Variants in CTNNA2 observed in about 807,000 individuals in gnomAD.
CTNNA2 encodes the protein catenin alpha-2.
Under a neutral mutation model 101.0 loss-of-function variants are expected in CTNNA2, and 42 were observed. That is an observed-to-expected ratio of 0.42 (90% confidence interval 0.32 to 0.54). CTNNA2 has a LOEUF of 0.54. CTNNA2 is among the 20% of genes least tolerant of loss of function. CTNNA2 has a pLI of 0.14. For missense variants in CTNNA2, 871 were observed against 1,223.1 expected (o/e 0.71, Z 4.29); for synonymous variants, 450 against 456.4 (o/e 0.99, Z 0.18).
At chr2:80,135,479 T>C (rs1012499234) in intron 7 of CTNNA2, among the ~76,000 whole-genome samples, 1 of 152,182 alleles carries the variant, frequency 6.6e-6, no homozygotes, top group Non-Finnish European at 1.5e-5. Flanking sequence ...CAGAGGTCTG[T>C]AGAGGAATCC....
At chr2:80,008,717 C>G (rs746563464) in intron 7 of CTNNA2, among the ~76,000 whole-genome samples, 66 of 152,190 alleles carry the variant, frequency 4.3e-4, no homozygotes, top group Non-Finnish European at 8.5e-4. Context: ...TTCTTTAATA[C>G]TCAGCTTTGC....
chr2:80,320,636 T>G (rs1202183434), intron 7 of CTNNA2, among the ~76,000 whole-genome samples: 1 of 145,212 alleles, frequency 6.9e-6, no homozygotes, highest in Non-Finnish European at 1.5e-5. Context: ...AGACTTAGAC[T>G]TAATTATTAA....
chr2:79,880,033 T>A (rs566756889), intron 6 of CTNNA2, among the ~76,000 whole-genome samples: 2 of 152,304 alleles, frequency 1.3e-5, no homozygotes, highest in Non-Finnish European at 2.9e-5. Flanking sequence ...TGTGAAGCGA[T>A]GTTGAATTTT....
At chr2:79,671,296 T>A (rs1682821933) in intron 2 of CTNNA2, among the ~76,000 whole-genome samples, 1 of 152,194 alleles carries the variant, frequency 6.6e-6, no homozygotes, top group East Asian at 1.9e-4. Context: ...TCCGCATAGC[T>A]CAGATAAGTG....
chr2:79,285,146 T>A (rs1233890348), intron 2 of CTNNA2, among the ~76,000 whole-genome samples: 4 of 151,744 alleles, frequency 2.6e-5, no homozygotes, highest in African/African-American at 9.7e-5. Context: ...TTGATTCTTT[T>A]TTTCTTTATT....
At chr2:80,186,684 G>A (rs530284347) in intron 7 of CTNNA2, among the ~76,000 whole-genome samples, 58 of 152,184 alleles carry the variant, frequency 3.8e-4, no homozygotes, top group Admixed American at 1.3e-3. Flanking sequence ...GATTTTGATC[G>A]TTCATACCTC....
chr2:80,631,967 G>A (rs1672340298), intron 18 of CTNNA2, among the ~76,000 whole-genome samples: 1 of 151,454 alleles, frequency 6.6e-6, no homozygotes, highest in Non-Finnish European at 1.5e-5. Flanking sequence ...TTTGAATCTG[G>A]AAAAAAAATA....
At chr2:80,192,849 GT>G (rs1268005194) in intron 7 of CTNNA2, among the ~76,000 whole-genome samples, 1 of 152,152 alleles carries the variant, frequency 6.6e-6, no homozygotes, top group African/African-American at 2.4e-5. Context: ...CCAACTCTTT[GT>G]TACCCTCAGA....
intron 3 of CTNNA2, among the ~76,000 whole-genome samples, chr2:79,801,931 G>A (rs1170369254): frequency 6.9e-5 from 10 of 144,894 alleles, no homozygotes; most frequent in Non-Finnish European, 1.5e-4. Flanking sequence ...GGCAGAGGTT[G>A]CAGTGAGCCA....
chr2:79,999,657 G>A (rs559101694), intron 7 of CTNNA2, among the ~76,000 whole-genome samples: 10 of 152,256 alleles, frequency 6.6e-5, no homozygotes, highest in Admixed American at 2.6e-4. Flanking sequence ...GCCTTCCTCT[G>A]TCCATTCATC....
chr2:80,292,207 C>A (rs72928786), intron 7 of CTNNA2, among the ~76,000 whole-genome samples: 1,731 of 152,220 alleles, frequency 0.011, 28 homozygotes, highest in African/African-American at 0.038. Flanking sequence ...TGCCAGACAC[C>A]ATTCTAAGCA....
At chr2:80,602,631 A>C (rs1252852200) in intron 15 of CTNNA2, among the ~76,000 whole-genome samples, 1 of 152,126 alleles carries the variant, frequency 6.6e-6, no homozygotes, top group African/African-American at 2.4e-5. Context: ...TTAAAAAATA[A>C]AAACCATTTA....
intron 7 of CTNNA2, among the ~76,000 whole-genome samples, chr2:79,952,796 C>T (rs1274669833): frequency 1.3e-5 from 2 of 152,116 alleles, no homozygotes; most frequent in Admixed American, 6.5e-5. Flanking sequence ...ACTACAAGGG[C>T]AGAGTTGAGT....
chr2:80,590,252 A>G (rs929388647), intron 15 of CTNNA2, among the ~76,000 whole-genome samples: 1 of 151,930 alleles, frequency 6.6e-6, no homozygotes, highest in Non-Finnish European at 1.5e-5. Context: ...CTCAGTAGGA[A>G]CCTCCCTGAA....
chr2:79,567,082 G>T (rs1675164741), intron 1 of CTNNA2, among the ~76,000 whole-genome samples: 2 of 152,138 alleles, frequency 1.3e-5, no homozygotes, highest in African/African-American at 4.8e-5. Flanking sequence ...AACTGCCACT[G>T]AGGAAGTAAA....
chr2:80,007,858 G>A (rs77908575), intron 7 of CTNNA2, among the ~76,000 whole-genome samples: 4,353 of 152,242 alleles, frequency 0.029, 211 homozygotes, highest in African/African-American at 0.099. Context: ...CCACTACTCT[G>A]CAGGTCAGGC....
At chr2:80,450,359 T>C (rs60535802) in intron 9 of CTNNA2, among the ~76,000 whole-genome samples, 3,333 of 152,160 alleles carry the variant, frequency 0.022, 128 homozygotes, top group African/African-American at 0.074. Context: ...ACAACTAGTA[T>C]GGTTGTTCAG....
chr2:79,511,395 T>C (rs1671535514), upstream of CTNNA2, among the ~76,000 whole-genome samples: 1 of 152,194 alleles, frequency 6.6e-6, no homozygotes, highest in Non-Finnish European at 1.5e-5. Flanking sequence ...CCACTCTTTA[T>C]ACCTTTTGGC....
intron 7 of CTNNA2, among the ~76,000 whole-genome samples, chr2:79,961,506 G>A (rs929601565): frequency 6.6e-5 from 10 of 152,106 alleles, no homozygotes; most frequent in Admixed American, 6.5e-5. Flanking sequence ...GCAAATTAGC[G>A]AAAAAGTAGG....
Sources: allele counts gnomAD v4.1 joint callset (sites outside exome capture counted in the v4.1 genomes callset), GRCh38; gene constraint gnomAD v4.1.1; transcripts MANE v1.5; gene names NCBI Gene and HGNC (gene_info 2026-07-23, HGNC 2026-07-21).